BAP1: variants seen among roughly 807,000 people sequenced by gnomAD.
BAP1 encodes the protein BRCA1 associated deubiquitinase 1, also known as ubiquitin carboxyl-terminal hydrolase BAP1.
BAP1 carries 16 observed loss-of-function variants against 77.2 expected under a neutral mutation model. That is an observed-to-expected ratio of 0.21 (90% CI 0.14 to 0.31). The LOEUF is 0.31. Among genes scored for constraint, BAP1 ranks in the 10% least tolerant of loss-of-function variants. BAP1 has a pLI of 1.00. For synonymous variants in BAP1, 362 were observed against 385.2 expected, an observed-to-expected ratio of 0.94 and a Z score of 0.71; for missense variants, 699 against 967.3, an observed-to-expected ratio of 0.72 and a Z score of 3.68.
chr3:52,408,125 GC>G, intron 4 of BAP1, 48 bp from the exon 5 acceptor site: 1 of 1,567,812 alleles, frequency 6.4e-7, no homozygotes, highest in Non-Finnish European at 8.7e-7. Context: ...CTCACTGCAA[GC>G]CCCAAGCCCA....
At chr3:52,408,176 T>C (rs756087034) in intron 4 of BAP1, 99 bp from the exon 5 acceptor site, 167 of 1,528,568 alleles carry the variant, frequency 1.1e-4, no homozygotes, top group Non-Finnish European at 1.5e-4. Flanking sequence ...GTCAGTCATA[T>C]CTGGACAACT....
At position 52,406,682 on chromosome 3, in the gene BAP1, C is replaced by A; in HGVS notation, c.659+147G>T. On this transcript the variant is annotated intron_variant, in intron 8 of 16. Transcript: ENST00000460680. The surrounding 1 kb of genome is among the most constrained non-coding windows in gnomAD (Gnocchi z 4.6). ...CAGGCAGCCCAGGCAGGAAATAAGA[C>A]AACAAGTTGAGAACCCATGATCTAA... 1.9e-6 allele frequency: 2 copies of A among 1,055,720 alleles called. No individual in the cohort carries two copies. The highest frequency in any genetic ancestry group is 2.8e-6 in the Non-Finnish European group (2 of 716,310). 65.4% of individuals were successfully genotyped at this position (1,055,720 alleles called of 1,614,324 possible).
At position 52,401,929 on chromosome 3, in the gene BAP1, T is replaced by TA; in HGVS notation, c.*358_*359insT. 2.4e-6 allele frequency: 1 copy of TA among 420,498 alleles called. No homozygotes were observed. Among genetic ancestry groups the TA allele is most frequent in the Non-Finnish European group, 4.4e-6 (1 of 228,000 alleles). 26.0% of individuals were successfully genotyped at this position (420,498 alleles called of 1,614,324 possible). ...AGTCAGGTAGGAACTTATGTCAACA[T>TA]GGTGGCATGTTGGGTTGGAGCCCAG... is the stretch of plus-strand genomic sequence containing the variant. On this transcript the variant is annotated 3_prime_UTR_variant, in exon 17 of 17. Transcript: ENST00000460680.
In BAP1 at chr3:52,403,186, C is replaced by T. The variant is rs781269263; in HGVS notation, c.1842G>A (p.Gly614=). ...TCAAGGGCTCGCCAGGCCTCACCATCCCCGTCTTCTCTCTGCTGTCCGTGG... is the reference window on the plus strand; with the variant it reads ...TCAAGGGCTCGCCAGGCCTCACCATTCCCGTCTTCTCTCTGCTGTCCGTGG... The part of the protein sequence containing the change: ...VEATDSREKT[G]MVRPGEPLSG... Residue 614 remains glycine (G), a synonymous_variant, in exon 14 of 17, where the codon GGG becomes GGA. Transcript: ENST00000460680. The surrounding 1 kb of genome is among the most constrained non-coding windows in gnomAD (Gnocchi z 4.0). The T allele has an allele frequency of 6.2e-7, 1 of 1,614,166 alleles. No individual in the cohort carries two copies. Among genetic ancestry groups the T allele is most frequent in the South Asian group, 1.1e-5 (1 of 91,084 alleles).
rs1281276310 is a variant in BAP1 at position 52,408,021 on chromosome 3, G to A, written c.312C>T (p.Ser104=). The A allele has an allele frequency of 6.2e-7, 1 of 1,613,698 alleles. No individual in the cohort carries two copies. Among genetic ancestry groups the A allele is most frequent in the Non-Finnish European group, 8.5e-7 (1 of 1,179,890 alleles). The change falls in exon 5 of 17, where the codon AGC becomes AGT. Residue 104 remains serine, a synonymous_variant. Coordinates refer to ENST00000460680, the MANE Select transcript of BAP1 (RefSeq NM_004656.4). ...HALLSVLLNC[S]SVDLGPTLSR... ...TCAGGGTGGGTCCCAGGTCCACGCT[G>A]CTGCAGTTCAGGAGCACGCTCAGCA... is the stretch of plus-strand genomic sequence containing the variant.
At position 52,404,974 on chromosome 3, in the gene BAP1, A is replaced by G. The variant is rs915443236; in HGVS notation, c.1116+136T>C. On this transcript the variant is annotated intron_variant, in intron 11 of 16. Coordinates refer to ENST00000460680, the MANE Select transcript of BAP1 (RefSeq NM_004656.4). ...GGGCCTTTTCATATCAGGCAGAGGA[A>G]CCTAGCAACCCAGGCCCAGGCAGCT... 1.6e-5 allele frequency: 19 copies of G among 1,190,772 alleles called. No individual in the cohort carries two copies. The African/African-American group carries it at 2.6e-4, about 16-fold the overall frequency. The allele number at this position is 1,190,772 out of a possible 1,614,324, so 73.8% of individuals were successfully genotyped here.
At position 52,403,234 on chromosome 3, in the gene BAP1, T is replaced by A; in HGVS notation, c.1794A>T (p.Pro598=). Residue 598 remains proline (P), a synonymous_variant, in exon 14 of 17, where the codon CCA becomes CCT. Coordinates refer to ENST00000460680, the MANE Select transcript of BAP1 (RefSeq NM_004656.4). The surrounding 1 kb of genome is among the most constrained non-coding windows in gnomAD (Gnocchi z 4.0). ...PIQGSQGSSS[P]VEKEVVEATD... is the part of the protein sequence containing the mutation. ...TGGCTTCCACGACCTCCTTCTCCAC[T>A]GGGCTGCTGGACCCCTGGCTGCCTT... 1 of 1,614,198 alleles carries A rather than the reference T, an allele frequency of 6.2e-7. No homozygotes were observed. The highest frequency in any genetic ancestry group is 8.5e-7 in the Non-Finnish European group (1 of 1,180,040).
rs201812308 is a variant in BAP1, at chr3:52,403,563, A to C, written c.1582T>G (p.Ser528Ala). The change falls in exon 13 of 17, where the codon TCC becomes GCC. Residue 528 changes from serine to alanine, a missense_variant. Physicochemically the swap from Ser to Ala is moderately conservative, Grantham distance 99. Coordinates refer to ENST00000460680, the MANE Select transcript of BAP1 (RefSeq NM_004656.4). The surrounding 1 kb of genome is among the most constrained non-coding windows in gnomAD (Gnocchi z 4.0). ...RPSSPVTSHI[S>A]KVLFGEDDSL... The stretch of plus-strand genomic sequence containing the variant: ...TCATCCTCTCCAAAAAGCACCTTGG[A>C]GATGTGGGAGGTGACAGGGCTGGAG... The C allele has an allele frequency of 6.2e-7, 1 of 1,614,030 alleles. No homozygotes were observed. The highest frequency in any genetic ancestry group is 2.2e-5 in the East Asian group (1 of 44,888).
Position 52,403,877 on chromosome 3 carries a change from G to C in BAP1, c.1268C>G (p.Thr423Arg), listed in dbSNP as rs115109161. ...ACCGCTCAATGCCCCTGGCTTCCCTGTTCCCTTCCCCTTATACCTGTGGGG... is the reference window on the plus strand; with the variant it reads ...ACCGCTCAATGCCCCTGGCTTCCCTCTTCCCTTCCCCTTATACCTGTGGGG... ...NSALRYKGKG[T>R]GKPGALSGSA... The change falls in exon 13 of 17, where the codon ACA (threonine) becomes AGA (arginine). Residue 423 changes from threonine (T) to arginine (R), a missense_variant. Thr to Arg is a moderately conservative substitution (Grantham distance 71). This residue lies in a region of BAP1 where 475 missense variants were observed against 532.4 expected (regional missense o/e 0.89). Coordinates refer to ENST00000460680, the MANE Select transcript of BAP1 (RefSeq NM_004656.4). This position sits in a 1 kb window ranked among gnomAD's most constrained non-coding sequence, Gnocchi z 4.0. 6.2e-7 allele frequency: 1 copy of C among 1,613,982 alleles called. No homozygotes were observed. Among genetic ancestry groups the C allele is most frequent in the African/African-American group, 1.3e-5 (1 of 74,910 alleles).
chr3:52,409,925 C>A lies in BAP1; in HGVS notation c.-47G>T. 1.3e-6 allele frequency: 2 copies of A among 1,595,932 alleles called. No homozygotes were observed. The highest frequency in any genetic ancestry group is 1.7e-6 in the Non-Finnish European group (2 of 1,177,774). On this transcript the variant is annotated 5_prime_UTR_variant, in exon 1 of 17. Coordinates refer to ENST00000460680, the MANE Select transcript of BAP1 (RefSeq NM_004656.4). ...AGCGCCATGTCCAGGCCCTCCCTCC[C>A]CACCGCTGCCCCCACCGGGAGCCCC...
intron 10 of BAP1, 39 bp from the exon 11 acceptor site, chr3:52,405,333 G>C (rs2153227112): frequency 6.2e-7 from 1 of 1,610,946 alleles, no homozygotes. Context: ...CCTCCAGTAG[G>C]ATCTCCAAGA....
chr3:52,409,931 C>CG lies in BAP1; in HGVS notation c.-54_-53insC. ...ATGTCCAGGCCCTCCCTCCCCACCG[C>CG]TGCCCCCACCGGGAGCCCCCACCGC... is the stretch of plus-strand genomic sequence containing the variant. On this transcript the variant is annotated 5_prime_UTR_variant, in exon 1 of 17. Transcript: ENST00000460680. The CG allele has an allele frequency of 6.3e-7, 1 of 1,591,344 alleles. No homozygotes were observed. The highest frequency in any genetic ancestry group is 8.5e-7 in the Non-Finnish European group (1 of 1,175,760).
At position 52,403,799 on chromosome 3, in the gene BAP1, G is replaced by C. The variant is rs1412909507; in HGVS notation, c.1346C>G (p.Ala449Gly). ...VLQPNTINVL[A>G]EKLKESQKDL... ...CTTCTGGGACTCTTTGAGCTTCTCA[G>C]CCAAGACGTTGATGGTGTTGGGCTG... The change falls in exon 13 of 17, where the codon GCT becomes GGT. Residue 449 changes from alanine (A) to glycine (G), a missense_variant. Transcript: ENST00000460680. This position sits in a 1 kb window ranked among gnomAD's most constrained non-coding sequence, Gnocchi z 4.0. 2 of 1,613,986 alleles carry C rather than the reference G, an allele frequency of 1.2e-6. No homozygotes were observed. The highest frequency in any genetic ancestry group is 1.7e-6 in the Non-Finnish European group (2 of 1,180,034).
rs1204584108 is a variant in BAP1 at position 52,405,851 on chromosome 3, G to A, written c.845C>T (p.Pro282Leu). Residue 282 changes from proline (P) to leucine (L), a missense_variant, in exon 10 of 17, where the codon CCT becomes CTT. By Grantham distance (98) the Pro-to-Leu change is moderately conservative (BLOSUM62 -3). This residue lies in a region of BAP1 where 475 missense variants were observed against 532.4 expected (regional missense o/e 0.89). Transcript: ENST00000460680. ...GTTGCTGGCTGACTTGGACTCCTCA[G>A]GCAGCTGTGACTCTTGAGACTTGTG... ...QTHKSQESQL[P>L]EESKSASNKS... is the part of the protein sequence containing the mutation. The A allele has an allele frequency of 1.9e-6, 3 of 1,614,016 alleles. No individual in the cohort carries two copies. In the South Asian group the frequency reaches 3.3e-5, roughly 18 times the overall value.
Position 52,405,249 on chromosome 3 carries a change from T to C in BAP1, c.977A>G (p.His326Arg), listed in dbSNP as rs1459459390. Residue 326 changes from histidine (H) to arginine (R), a missense_variant, in exon 11 of 17, where the codon CAC becomes CGC. Physicochemically the swap from His to Arg is conservative, Grantham distance 29. Around this residue, in one of 3 missense-constraint regions of BAP1, gnomAD observed 475 missense variants for 532.4 expected, o/e 0.89. Coordinates refer to ENST00000460680, the MANE Select transcript of BAP1 (RefSeq NM_004656.4). Reference protein sequence around the residue: ...AAGSCAQAPSHSPPNKPKLVV... With the variant: ...AAGSCAQAPSRSPPNKPKLVV... ...TAGCTTGGGTTTGTTGGGAGGGCTG[T>C]GGGATGGGGCTTGTGCGCATGAACC... 3.1e-6 allele frequency: 5 copies of C among 1,613,888 alleles called. No homozygotes were observed. In the South Asian group the frequency reaches 3.3e-5, roughly 11 times the overall value.
rs771530795 is a variant in BAP1, at chr3:52,403,102, C to T, written c.1890+36G>A. The stretch of plus-strand genomic sequence containing the variant: ...GGAGGAGCTCAGGCCTTACCCTCTG[C>T]CAGGATTAAAGGAGAAAACCACAAC... On this transcript the variant is annotated intron_variant, in intron 14 of 16. Transcript: ENST00000460680. The surrounding 1 kb of genome is among the most constrained non-coding windows in gnomAD (Gnocchi z 4.0). 4 of 1,609,046 alleles carry T rather than the reference C, an allele frequency of 2.5e-6. No individual in the cohort carries two copies. In the South Asian group the frequency reaches 3.3e-5, roughly 13 times the overall value.
At position 52,409,833 on chromosome 3, in the gene BAP1, C is replaced by T. The variant is rs1440785228; in HGVS notation, c.37+9G>A. ...CCCCAGCCCCTGGCCCTCCCGGTCC[C>T]CTCCTCACCTGGGTCGCTCTCCAGC... is the stretch of plus-strand genomic sequence containing the variant. On this transcript the variant is annotated intron_variant, in intron 1 of 16. Transcript: ENST00000460680. The T allele has an allele frequency of 6.2e-7, 1 of 1,612,446 alleles. No homozygotes were observed. Among genetic ancestry groups the T allele is most frequent in the Non-Finnish European group, 8.5e-7 (1 of 1,179,926 alleles).
chr3:52,405,575 G>A (rs1578224024), intron 10 of BAP1, 190 bp downstream of exon 10: 1 of 823,122 alleles, frequency 1.2e-6, no homozygotes, highest in Non-Finnish European at 1.9e-6. Flanking sequence ...AGGGCCCAGG[G>A]GCCTGTGGTA....
At chr3:52,404,991 C>T (rs1442346661) in intron 11 of BAP1, 119 bp downstream of exon 11, 3 of 1,392,668 alleles carry the variant, frequency 2.2e-6, no homozygotes, top group Non-Finnish European at 3.0e-6. Context: ...AACCCAGGCC[C>T]AGGCAGCTTG....
Sources: allele counts gnomAD v4.1 joint callset, GRCh38; gene constraint gnomAD v4.1.1; regional missense constraint gnomAD v4.1.1; non-coding constraint Gnocchi (gnomAD v3.1); transcripts MANE v1.5; gene names NCBI Gene and HGNC (gene_info 2026-07-23, HGNC 2026-07-21).